SLC9A9: variants seen among roughly 807,000 people sequenced by gnomAD.
SLC9A9 encodes the protein sodium/hydrogen exchanger 9.
SLC9A9 carries 62 observed loss-of-function variants against 77.8 expected under a neutral mutation model. That is an observed-to-expected ratio of 0.80 (90% confidence interval 0.65 to 0.98). SLC9A9 has a LOEUF of 0.98. Ranked by LOEUF, SLC9A9 falls within the 50% of genes least tolerant of loss-of-function variation. The pLI is 0.00. For missense variants in SLC9A9, 775 were observed against 774.9 expected (o/e 1.00, Z 0.00); for synonymous variants, 320 against 283.5 (o/e 1.13, Z -1.29).
chr3:143,462,634 G>GT (rs570480791), intron 12 of SLC9A9, among the ~76,000 whole-genome samples: 1 of 152,036 alleles, frequency 6.6e-6, no homozygotes, highest in Non-Finnish European at 1.5e-5. Flanking sequence ...TTATTTACCC[G>GT]TAACTGTCCC....
At chr3:143,351,308 A>G (rs188499005) in intron 14 of SLC9A9, among the ~76,000 whole-genome samples, 17 of 152,358 alleles carry the variant, frequency 1.1e-4, no homozygotes, top group Middle Eastern at 3.4e-3. Flanking sequence ...CAGCAGTTTG[A>G]AAAACCCTGA....
intron 3 of SLC9A9, among the ~76,000 whole-genome samples, chr3:143,795,683 C>G (rs1171667108): frequency 6.6e-6 from 1 of 152,148 alleles, no homozygotes; most frequent in Non-Finnish European, 1.5e-5. Flanking sequence ...GAGCCATAAT[C>G]GTACCATTGT....
intron 1 of SLC9A9, chr3:143,847,872 G>C (rs2009861791): frequency 2.0e-6 from 1 of 489,132 alleles, no homozygotes; most frequent in Admixed American, 3.4e-5. Flanking sequence ...GCTCGCCCTC[G>C]ACTCCCCACA....
chr3:143,721,116 G>A (rs1441331216), intron 4 of SLC9A9, among the ~76,000 whole-genome samples: 3 of 152,178 alleles, frequency 2.0e-5, no homozygotes, highest in African/African-American at 7.2e-5. Flanking sequence ...TGCTTGGGAG[G>A]CAGAAGTGGG....
At chr3:143,456,017 A>T (rs1409490007) in intron 12 of SLC9A9, among the ~76,000 whole-genome samples, 1 of 151,920 alleles carries the variant, frequency 6.6e-6, no homozygotes, top group African/African-American at 2.4e-5. Flanking sequence ...TTGGCTTTTC[A>T]CTATTAAATA....
chr3:143,597,542 G>C (rs993469009), intron 6 of SLC9A9, among the ~76,000 whole-genome samples: 1 of 152,198 alleles, frequency 6.6e-6, no homozygotes, highest in African/African-American at 2.4e-5. Context: ...CTGCTCAGGA[G>C]AGAGGTAGTT....
chr3:143,840,986 A>C (rs2009692269), intron 1 of SLC9A9, among the ~76,000 whole-genome samples: 1 of 152,130 alleles, frequency 6.6e-6, no homozygotes, highest in Non-Finnish European at 1.5e-5. Flanking sequence ...TCTTCTGTAA[A>C]CTTCCTAAGG....
At chr3:143,719,552 C>T (rs1934441406) in intron 4 of SLC9A9, among the ~76,000 whole-genome samples, 2 of 152,042 alleles carry the variant, frequency 1.3e-5, no homozygotes, top group South Asian at 4.1e-4. Flanking sequence ...GCTTATTTTC[C>T]CTAACAGGGA....
chr3:143,577,156 CT>C (rs940662411), intron 7 of SLC9A9, among the ~76,000 whole-genome samples: 61 of 152,138 alleles, frequency 4.0e-4, no homozygotes, highest in African/African-American at 1.4e-3. Context: ...GAGCAGAAAC[CT>C]TTGGCAGCTA....
chr3:143,471,384 T>A (rs530834115), intron 11 of SLC9A9, among the ~76,000 whole-genome samples: 19 of 152,324 alleles, frequency 1.2e-4, no homozygotes, highest in Non-Finnish European at 2.6e-4. Flanking sequence ...TTACCTCCTA[T>A]GTGGAGGCTC....
intron 5 of SLC9A9, among the ~76,000 whole-genome samples, chr3:143,679,899 T>C (rs1315784699): frequency 6.6e-6 from 1 of 151,880 alleles, no homozygotes; most frequent in Non-Finnish European, 1.5e-5. Context: ...ATATCAGGTA[T>C]GAAAAACATA....
At chr3:143,764,965 T>C (rs2007253387) in intron 4 of SLC9A9, among the ~76,000 whole-genome samples, 1 of 123,952 alleles carries the variant, frequency 8.1e-6, no homozygotes, top group Admixed American at 7.8e-5. Flanking sequence ...TTTTTGTTTC[T>C]CTTTCTTTCC....
intron 4 of SLC9A9, among the ~76,000 whole-genome samples, chr3:143,719,668 A>AG (rs1934445284): frequency 6.6e-6 from 1 of 152,202 alleles, no homozygotes; most frequent in Non-Finnish European, 1.5e-5. Flanking sequence ...ACAGGTGCCG[A>AG]ACAATTTCTT....
At chr3:143,578,517 T>C (rs1166100445) in intron 7 of SLC9A9, 68 bp downstream of exon 7, 5 of 1,609,530 alleles carry the variant, frequency 3.1e-6, no homozygotes, top group Non-Finnish European at 4.2e-6. Context: ...TTGTCCATCA[T>C]CAGAAATATT....
At chr3:143,552,681 A>C (rs2036913592) in intron 8 of SLC9A9, among the ~76,000 whole-genome samples, 2 of 152,228 alleles carry the variant, frequency 1.3e-5, no homozygotes, top group South Asian at 4.1e-4. Flanking sequence ...TTCTAAATAA[A>C]CATGAGAAGT....
intron 8 of SLC9A9, among the ~76,000 whole-genome samples, chr3:143,570,523 C>T (rs573818056): frequency 6.6e-6 from 1 of 152,150 alleles, no homozygotes; most frequent in South Asian, 2.1e-4. Flanking sequence ...AAATTTATAT[C>T]TCTAGCTATA....
chr3:143,437,596 C>A (rs1242382130), intron 12 of SLC9A9, among the ~76,000 whole-genome samples: 1 of 152,212 alleles, frequency 6.6e-6, no homozygotes, highest in Non-Finnish European at 1.5e-5. Flanking sequence ...GGCCGCTCAA[C>A]AGGCAGGAAA....
chr3:143,496,557 G>C (rs2035836200), intron 9 of SLC9A9, among the ~76,000 whole-genome samples: 1 of 152,120 alleles, frequency 6.6e-6, no homozygotes, highest in African/African-American at 2.4e-5. Context: ...TAGAAAGAAA[G>C]GATTAAAAAA....
intron 9 of SLC9A9, among the ~76,000 whole-genome samples, chr3:143,514,979 G>T (rs1413775296): frequency 1.3e-5 from 2 of 152,168 alleles, no homozygotes; most frequent in Non-Finnish European, 2.9e-5. Context: ...CCTGCCTTTT[G>T]ACATGCCTTC....
Sources: gnomAD v4.1 joint callset for allele counts (sites outside exome capture counted in the v4.1 genomes callset) on GRCh38, gnomAD v4.1.1 for gene constraint, MANE v1.5 for transcripts, NCBI Gene and HGNC (gene_info 2026-07-23, HGNC 2026-07-21) for gene names.